Variants in HOMER1 observed in about 807,000 individuals in gnomAD.
HOMER1 encodes homer protein homolog 1.
In HOMER1, 3 loss-of-function variants were observed where a neutral mutation model predicts 48.9. The observed-to-expected ratio is 0.06, with a 90% CI of 0.03 to 0.16. HOMER1 has a LOEUF of 0.16. Among genes scored for constraint, HOMER1 ranks in the 10% least tolerant of loss-of-function variants. The pLI, the probability that HOMER1 is intolerant of heterozygous loss-of-function variation, is 1.00. For synonymous variants in HOMER1, 134 were observed against 146.4 expected (o/e 0.92, Z 0.61); for missense variants, 247 against 411.4 (o/e 0.60, Z 3.46).
intron 2 of HOMER1, 90 bp downstream of exon 2, chr5:79,456,772 T>G (rs1385346152): frequency 1.8e-6 from 2 of 1,105,094 alleles, no homozygotes; most frequent in Non-Finnish European, 2.6e-6. Context: ...ACATTTTATA[T>G]TAATGAAGAT....
chr5:79,418,350 C>T (rs1182699722), intron 5 of HOMER1, among the ~76,000 whole-genome samples: 5 of 152,258 alleles, frequency 3.3e-5, no homozygotes, highest in Admixed American at 1.3e-4. Context: ...CCTTCCTGAT[C>T]GGCCTCGATG....
chr5:79,480,775 T>C (rs1029073655), intron 1 of HOMER1, among the ~76,000 whole-genome samples: 2 of 152,214 alleles, frequency 1.3e-5, no homozygotes, highest in African/African-American at 2.4e-5. Context: ...CTCATTATCT[T>C]ATTCACTCCT....
At chr5:79,401,336 A>G (rs1449198025) in intron 6 of HOMER1, among the ~76,000 whole-genome samples, 1 of 152,050 alleles carries the variant, frequency 6.6e-6, no homozygotes, top group Non-Finnish European at 1.5e-5. Context: ...TGTACAGAGT[A>G]CTTATTATTC....
intron 1 of HOMER1, among the ~76,000 whole-genome samples, chr5:79,465,904 C>T (rs142061586): frequency 1.3e-4 from 20 of 152,150 alleles, no homozygotes; most frequent in African/African-American, 4.6e-4. Context: ...TTATATGTCA[C>T]CTCTTACTTT....
intron 1 of HOMER1, among the ~76,000 whole-genome samples, chr5:79,480,341 A>C (rs768916097): frequency 3.0e-4 from 45 of 152,154 alleles, no homozygotes; most frequent in Non-Finnish European, 5.1e-4. Flanking sequence ...CTAAGATATA[A>C]AAGTAGATTT....
At chr5:79,438,921 T>C in intron 5 of HOMER1, 89 bp downstream of exon 5, 1 of 995,590 alleles carries the variant, frequency 1.0e-6, no homozygotes, top group Non-Finnish European at 1.5e-6. Flanking sequence ...GAGTTTTCAC[T>C]CAAAGCTTGT....
At chr5:79,399,307 C>A (rs1397600983) in intron 6 of HOMER1, among the ~76,000 whole-genome samples, 1 of 152,142 alleles carries the variant, frequency 6.6e-6, no homozygotes. Context: ...AAGCAGAAAT[C>A]CATAGTCTTA....
chr5:79,495,243 TCA>T (rs1318305158), intron 1 of HOMER1, among the ~76,000 whole-genome samples: 1 of 152,150 alleles, frequency 6.6e-6, no homozygotes, highest in Non-Finnish European at 1.5e-5. Flanking sequence ...ATCCTTCTAG[TCA>T]CATCTCCCTT....
chr5:79,469,741 T>C (rs1216955138), intron 1 of HOMER1, among the ~76,000 whole-genome samples: 2 of 152,072 alleles, frequency 1.3e-5, no homozygotes, highest in Admixed American at 1.3e-4. Flanking sequence ...CAAGGGATCC[T>C]CTCACCTCAG....
chr5:79,392,344 T>A (rs1387842440), intron 8 of HOMER1, among the ~76,000 whole-genome samples: 1 of 152,162 alleles, frequency 6.6e-6, no homozygotes, highest in African/African-American at 2.4e-5. Flanking sequence ...GGACAAGATG[T>A]GGAGGTAGAA....
intron 5 of HOMER1, among the ~76,000 whole-genome samples, chr5:79,424,249 T>C (rs1303494512): frequency 2.6e-5 from 4 of 152,072 alleles, no homozygotes; most frequent in Admixed American, 6.5e-5. Context: ...TTTCTCTAAA[T>C]ATTTTAATCA....
At chr5:79,512,200 G>T (rs1341978018) in intron 1 of HOMER1, among the ~76,000 whole-genome samples, 2 of 152,172 alleles carry the variant, frequency 1.3e-5, no homozygotes, top group Non-Finnish European at 2.9e-5. Context: ...CACCCGTACC[G>T]TGGTGACCGC....
intron 8 of HOMER1, among the ~76,000 whole-genome samples, chr5:79,393,121 A>C (rs1749296271): frequency 6.6e-6 from 1 of 152,188 alleles, no homozygotes; most frequent in Non-Finnish European, 1.5e-5. Flanking sequence ...TTCAAAATAA[A>C]AAGTTTAACT....
intron 6 of HOMER1, among the ~76,000 whole-genome samples, chr5:79,401,349 A>G (rs1156749453): frequency 6.6e-6 from 1 of 152,028 alleles, no homozygotes; most frequent in Non-Finnish European, 1.5e-5. Flanking sequence ...TATTATTCCT[A>G]TTTTACAGAT....
chr5:79,417,930 G>A (rs1017170903), intron 5 of HOMER1, among the ~76,000 whole-genome samples: 1 of 152,138 alleles, frequency 6.6e-6, no homozygotes, highest in Non-Finnish European at 1.5e-5. Context: ...AAAAGATATG[G>A]ATAATTTTAC....
chr5:79,390,388 G>A (rs892267684), intron 8 of HOMER1, among the ~76,000 whole-genome samples: 12 of 152,052 alleles, frequency 7.9e-5, no homozygotes, highest in Non-Finnish European at 1.6e-4. Context: ...TAAAGGAGTG[G>A]AAGTTCAAAG....
intron 5 of HOMER1, among the ~76,000 whole-genome samples, chr5:79,421,740 G>A (rs1561357168): frequency 6.6e-6 from 1 of 151,818 alleles, no homozygotes; most frequent in Non-Finnish European, 1.5e-5. Flanking sequence ...GAGTAGCTGG[G>A]ATTACAGGCA....
At chr5:79,467,352 T>C (rs964903258) in intron 1 of HOMER1, among the ~76,000 whole-genome samples, 5 of 140,276 alleles carry the variant, frequency 3.6e-5, no homozygotes, top group Non-Finnish European at 7.5e-5. Flanking sequence ...GATTGCACCA[T>C]TGCATTCCAG....
intron 5 of HOMER1, among the ~76,000 whole-genome samples, chr5:79,419,252 T>C (rs1750032360): frequency 6.6e-6 from 1 of 152,158 alleles, no homozygotes; most frequent in Non-Finnish European, 1.5e-5. Context: ...TATATGAACA[T>C]GGATATCTGT....
Sources: gnomAD v4.1 joint callset for allele counts (sites outside exome capture counted in the v4.1 genomes callset) on GRCh38, gnomAD v4.1.1 for gene constraint, MANE v1.5 for transcripts, NCBI Gene and HGNC (gene_info 2026-07-23, HGNC 2026-07-21) for gene names.